ERBB4: variants seen among roughly 807,000 people sequenced by gnomAD.
ERBB4 encodes the protein receptor tyrosine-protein kinase erbB-4.
Under a neutral mutation model 158.0 loss-of-function variants are expected in ERBB4, and 42 were observed. The ratio of observed to expected loss-of-function variants is 0.27; its 90% confidence interval spans 0.21 to 0.34. ERBB4 has a LOEUF of 0.34. Among genes scored for constraint, ERBB4 ranks in the 10% least tolerant of loss-of-function variants. ERBB4 has a pLI of 1.00. For missense variants in ERBB4, 1,333 were observed against 1,624.1 expected (o/e 0.82, Z 3.08); for synonymous variants, 583 against 558.7 (o/e 1.04, Z -0.61).
intron 1 of ERBB4, among the ~76,000 whole-genome samples, chr2:212,372,144 C>G (rs1247003734): frequency 1.3e-5 from 2 of 151,896 alleles, no homozygotes; most frequent in African/African-American, 4.8e-5. Context: ...TCTCGTAGCC[C>G]CCTTTTCCTT....
At chr2:211,922,820 C>T (rs1016657369) in intron 3 of ERBB4, among the ~76,000 whole-genome samples, 3 of 151,848 alleles carry the variant, frequency 2.0e-5, no homozygotes, top group Admixed American at 6.6e-5. Flanking sequence ...GGGAGTCAGT[C>T]ATATGAAAGT....
In ERBB4 at chr2:212,040,640, T is replaced by C. The variant is rs916918345; in HGVS notation, c.234+84112A>G. Among the ~76,000 whole-genome samples the C allele has an allele frequency of 2.0e-5, 3 of 152,144 alleles. No homozygotes were observed. The South Asian group carries it at 6.2e-4, about 31-fold the overall frequency. The stretch of plus-strand genomic sequence containing the variant: ...CCTATATTCACCTCCATACCTAGCA[T>C]GGTAGCTCCGGTAAGTGTTTATCAT... On this transcript the variant is annotated intron_variant, in intron 2 of 27. Coordinates refer to ENST00000342788, the MANE Select transcript of ERBB4 (RefSeq NM_005235.3).
chr2:211,612,961 A>C (rs1279505306), intron 19 of ERBB4, among the ~76,000 whole-genome samples: 1 of 152,044 alleles, frequency 6.6e-6, no homozygotes, highest in African/African-American at 2.4e-5. Flanking sequence ...GGGTGGATAC[A>C]GATACAAAAT....
At chr2:211,403,614 TA>T (rs1427390880) in intron 25 of ERBB4, among the ~76,000 whole-genome samples, 2 of 152,134 alleles carry the variant, frequency 1.3e-5, no homozygotes, top group Admixed American at 6.6e-5. Flanking sequence ...AACTACCATA[TA>T]GCTGCTTTAA....
At chr2:212,422,629 T>G (rs539703413) in intron 1 of ERBB4, among the ~76,000 whole-genome samples, 3 of 152,240 alleles carry the variant, frequency 2.0e-5, no homozygotes, top group Non-Finnish European at 4.4e-5. Flanking sequence ...TTTCACCAGG[T>G]GTAATCCATG....
intron 20 of ERBB4, among the ~76,000 whole-genome samples, chr2:211,441,361 C>T (rs1226901917): frequency 6.6e-6 from 1 of 151,986 alleles, no homozygotes; most frequent in African/African-American, 2.4e-5. Flanking sequence ...AGAAATTGTC[C>T]TGGGAGAGTC....
intron 2 of ERBB4, among the ~76,000 whole-genome samples, chr2:212,044,685 C>T (rs1241205497): frequency 6.6e-6 from 1 of 152,114 alleles, no homozygotes; most frequent in Non-Finnish European, 1.5e-5. Flanking sequence ...CAAAAGGATG[C>T]AATGCTTATT....
At chr2:211,422,197 A>C (rs1166285304) in intron 23 of ERBB4, 93 bp from the exon 24 acceptor site, 2 of 844,522 alleles carry the variant, frequency 2.4e-6, no homozygotes, top group Non-Finnish European at 4.0e-6. Flanking sequence ...AAGTTTGAAA[A>C]ATGTTGTTTT....
Position 211,466,332 on chromosome 2 carries a change from G to GTT in ERBB4, c.2488-35234_2488-35233dup, listed in dbSNP as rs1158162850. Among the ~76,000 whole-genome samples the GTT allele has an allele frequency of 4.8e-3, 564 of 118,544 alleles. 3 individuals are homozygous for GTT. The highest frequency in any genetic ancestry group is 0.016 in the African/African-American group (534 of 33,826). 77.8% of individuals were successfully genotyped at this position (118,544 alleles called of 152,430 possible). ...TAACATGCTTTCATCTTTTTGTGTA[G>GTT]TTTTTTTTTTTTTTTTTAAAAAAAA... On this transcript the variant is annotated intron_variant, in intron 20 of 27. Coordinates refer to ENST00000342788, the MANE Select transcript of ERBB4 (RefSeq NM_005235.3).
chr2:211,665,984 T>A (rs1282864034), intron 14 of ERBB4, among the ~76,000 whole-genome samples: 2 of 152,220 alleles, frequency 1.3e-5, no homozygotes, highest in African/African-American at 4.8e-5. Flanking sequence ...AAAAGGGATA[T>A]AATAGAAATT....
At chr2:211,873,474 ACTC>A (rs1453653483) in intron 3 of ERBB4, among the ~76,000 whole-genome samples, 1 of 152,258 alleles carries the variant, frequency 6.6e-6, no homozygotes, top group African/African-American at 2.4e-5. Flanking sequence ...CCAAAACTTC[ACTC>A]CTAACATGTA....
At position 211,446,078 on chromosome 2, in the gene ERBB4, C is replaced by T. The variant is rs936555304; in HGVS notation, c.2488-14978G>A. Among the ~76,000 whole-genome samples the T allele has an allele frequency of 4.3e-4, 65 of 152,028 alleles. 1 individual carries two copies. The highest frequency in any genetic ancestry group is 1.3e-3 in the African/African-American group (55 of 41,386). On this transcript the variant is annotated intron_variant, in intron 20 of 27. Transcript: ENST00000342788. Reference sequence around the variant, plus strand: ...TACCAGTATTTTTCTTGGTAAATTGCGAAGCACTAACATAAGTTGAGGATG... The same window carrying T: ...TACCAGTATTTTTCTTGGTAAATTGTGAAGCACTAACATAAGTTGAGGATG...
chr2:211,684,087 CATCT>C (rs1389765501), intron 12 of ERBB4, among the ~76,000 whole-genome samples: 1 of 151,726 alleles, frequency 6.6e-6, no homozygotes, highest in Non-Finnish European at 1.5e-5. Context: ...TTATATATTC[CATCT>C]ATCTATGAAA....
intron 1 of ERBB4, among the ~76,000 whole-genome samples, chr2:212,147,678 A>G (rs2125620728): frequency 6.6e-6 from 1 of 152,314 alleles, no homozygotes; most frequent in East Asian, 1.9e-4. Context: ...TGTATTGAAA[A>G]TCTACTTTAG....
At chr2:211,758,690 C>T (rs1340205376) in intron 4 of ERBB4, among the ~76,000 whole-genome samples, 1 of 152,228 alleles carries the variant, frequency 6.6e-6, no homozygotes, top group East Asian at 1.9e-4. Context: ...ATAATGAGCA[C>T]TTACTATGAG....
At chr2:211,846,737 A>G (rs1016017980) in intron 3 of ERBB4, among the ~76,000 whole-genome samples, 2 of 152,144 alleles carry the variant, frequency 1.3e-5, no homozygotes, top group Non-Finnish European at 2.9e-5. Context: ...GAACTTGAAA[A>G]TAATAGTCTA....
chr2:211,472,144 G>C (rs530571325), intron 20 of ERBB4, among the ~76,000 whole-genome samples: 45 of 152,100 alleles, frequency 3.0e-4, no homozygotes, highest in Middle Eastern at 6.8e-3. Context: ...AGACAGACAA[G>C]TGTGAAGGTT....
intron 19 of ERBB4, among the ~76,000 whole-genome samples, chr2:211,598,172 G>C (rs9288434): frequency 0.84 from 126,902 of 151,970 alleles, 53,707 homozygotes; most frequent in Admixed American, 0.91. Flanking sequence ...TCCTCCTCCT[G>C]TCCCCTGTCC....
chr2:211,988,039 A>G (rs1468474388), intron 2 of ERBB4, among the ~76,000 whole-genome samples: 5 of 152,202 alleles, frequency 3.3e-5, no homozygotes, highest in Admixed American at 6.5e-5. Context: ...AGGGAAAATA[A>G]CAATTAAGTT....
Sources: gnomAD v4.1 joint callset for allele counts (sites outside exome capture counted in the v4.1 genomes callset) on GRCh38, gnomAD v4.1.1 for gene constraint, MANE v1.5 for transcripts, NCBI Gene and HGNC (gene_info 2026-07-23, HGNC 2026-07-21) for gene names.